The following B4GALNT3 variants were observed in gnomAD, a reference collection of about 807,000 sequenced individuals.
The protein encoded by B4GALNT3 is beta-1,4-N-acetylgalactosaminyltransferase 3.
In B4GALNT3, 86 loss-of-function variants were observed where a neutral mutation model predicts 120.2. The observed-to-expected ratio is 0.72, with a 90% CI of 0.60 to 0.86. The LOEUF (loss-of-function observed/expected upper bound fraction) is 0.86. Ranked by LOEUF, B4GALNT3 falls within the 40% of genes least tolerant of loss-of-function variation. The pLI, the probability that B4GALNT3 is intolerant of heterozygous loss-of-function variation, is 0.00. For missense variants in B4GALNT3, 1,167 were observed against 1,298.9 expected (o/e 0.90, Z 1.56); for synonymous variants, 518 against 510.4 (o/e 1.01, Z -0.20).
rs149047077 is a variant in B4GALNT3 at position 557,596 on chromosome 12, C to A, written c.2381-12C>A. 2.5e-6 allele frequency: 4 copies of A among 1,603,304 alleles called. No homozygotes were observed. In the African/African-American group the frequency reaches 5.4e-5, roughly 22 times the overall value. ...TCTGTGTTTCCTTCTCCTGCCTGAC[C>A]CCCTGGGGTAGTGAAGAACCAGGCA... On this transcript the variant is annotated splice_polypyrimidine_tract_variant and intron_variant, in intron 15 of 19. Coordinates refer to ENST00000266383, the MANE Select transcript of B4GALNT3 (RefSeq NM_173593.4).
At position 558,079 on chromosome 12, in the gene B4GALNT3, C is replaced by T. The variant is rs774552605; in HGVS notation, c.2598C>T (p.Asp866=). The T allele has an allele frequency of 6.2e-7, 1 of 1,613,834 alleles. No homozygotes were observed. The highest frequency in any genetic ancestry group is 2.2e-5 in the East Asian group (1 of 44,886). Reference sequence around the variant, plus strand: ...CAGCTGGACTTCAGGCTGGCATAGACCTCGTGAAGGTAAAGGGCCTGGATG... The same window carrying T: ...CAGCTGGACTTCAGGCTGGCATAGATCTCGTGAAGGTAAAGGGCCTGGATG... ...ERSAGLQAGI[D]LVKDPHSIIF... Residue 866 remains aspartate, a synonymous_variant, in exon 17 of 20, where the codon GAC becomes GAT. Coordinates refer to ENST00000266383, the MANE Select transcript of B4GALNT3 (RefSeq NM_173593.4).
At position 535,153 on chromosome 12, in the gene B4GALNT3, TC is replaced by T. The variant is rs1946845580; in HGVS notation, c.170-9del. ...TACGCTGACCTGAGGGCTCCTCTCTTCCCCTTCCACAGGGTACGGCAGCTGG... is the reference window on the plus strand; with the variant it reads ...TACGCTGACCTGAGGGCTCCTCTCTTCCCTTCCACAGGGTACGGCAGCTGG... On this transcript the variant is annotated splice_polypyrimidine_tract_variant and intron_variant, in intron 1 of 19. Transcript: ENST00000266383. 6.2e-7 allele frequency: 1 copy of T among 1,606,162 alleles called. No individual in the cohort carries two copies. The highest frequency in any genetic ancestry group is 1.7e-5 in the Admixed American group (1 of 59,662).
intron 1 of B4GALNT3, among the ~76,000 whole-genome samples, chr12:511,472 TCTTCCACCTTCTTCCACCTTCCAC>T (rs1565597930): frequency 1.0e-3 from 28 of 27,010 alleles, no homozygotes; most frequent in African/African-American, 7.9e-3. Flanking sequence ...CCTTCCACCT[TCTTCCACCTTCTTCCACCTTCCAC>T]CTTCCACCTT....
intron 1 of B4GALNT3, among the ~76,000 whole-genome samples, chr12:512,640 CA>C (rs1946600233): frequency 7.6e-6 from 1 of 131,920 alleles, no homozygotes; most frequent in Non-Finnish European, 1.7e-5. Flanking sequence ...TTCCGCCTTC[CA>C]CCTTCCACCT....
intron 1 of B4GALNT3, among the ~76,000 whole-genome samples, chr12:518,960 T>C (rs907414219): frequency 1.3e-5 from 2 of 152,250 alleles, no homozygotes; most frequent in African/African-American, 4.8e-5. Context: ...TCTAGCTTGT[T>C]GTCTGCCCAC....
intron 1 of B4GALNT3, among the ~76,000 whole-genome samples, chr12:498,135 C>CTAGT (rs1946405876): frequency 1.3e-5 from 2 of 152,204 alleles, no homozygotes; most frequent in South Asian, 4.1e-4. Flanking sequence ...CCTGGGCTTA[C>CTAGT]TAGTACCTTG....
At chr12:556,943 C>T (rs1947163534) in intron 15 of B4GALNT3, 77 bp downstream of exon 15, 2 of 1,430,990 alleles carry the variant, frequency 1.4e-6, no homozygotes, top group Non-Finnish European at 1.9e-6. Flanking sequence ...TCTGCTTGCA[C>T]TGATTTGATC....
At chr12:511,809 CCTTCTTCCA>C (rs1946571247) in intron 1 of B4GALNT3, among the ~76,000 whole-genome samples, 1 of 44,288 alleles carries the variant, frequency 2.3e-5, no homozygotes, top group Admixed American at 1.6e-4. Flanking sequence ...CCTTCTTCCA[CCTTCTTCCA>C]CCTTCCACCT....
In B4GALNT3 at chr12:462,372, G is replaced by A. The variant is rs1247003838; in HGVS notation, c.169+1827G>A. ...CTCACTTTTCTTTTACCTCCGGTGT[G>A]TTTTCTCCCCAAACCTGGATCTAGT... On this transcript the variant is annotated intron_variant, in intron 1 of 19. Transcript: ENST00000266383. Among the ~76,000 whole-genome samples, 9 of 148,956 alleles carry A rather than the reference G, an allele frequency of 6.0e-5. No individual in the cohort carries two copies. The Admixed American group carries it at 6.1e-4, about 10-fold the overall frequency.
At chr12:504,306 A>G (rs1339423719) in intron 1 of B4GALNT3, among the ~76,000 whole-genome samples, 2 of 132,512 alleles carry the variant, frequency 1.5e-5, no homozygotes, top group African/African-American at 3.3e-5. Context: ...CAAAAACACA[A>G]TTTTTCAAAA....
rs566172902 is a variant in B4GALNT3 at position 469,559 on chromosome 12, C to G, written c.169+9014C>G. 3.0e-4 allele frequency among the ~76,000 whole-genome samples: 45 copies of G among 152,252 alleles called. 1 individual carries two copies. In the South Asian group the frequency reaches 9.3e-3, roughly 32 times the overall value. Reference sequence around the variant, plus strand: ...CCACCAAATACACATTCTTCAATCACTTTTTTCCTCCATGATGTTCAGCAA... The same window carrying G: ...CCACCAAATACACATTCTTCAATCAGTTTTTTCCTCCATGATGTTCAGCAA... On this transcript the variant is annotated intron_variant, in intron 1 of 19. Coordinates refer to ENST00000266383, the MANE Select transcript of B4GALNT3 (RefSeq NM_173593.4).
intron 1 of B4GALNT3, among the ~76,000 whole-genome samples, chr12:530,364 G>A (rs1227668167): frequency 6.6e-6 from 1 of 152,244 alleles, no homozygotes; most frequent in Non-Finnish European, 1.5e-5. Context: ...AAAGTGCTTT[G>A]AAGGGTTTTA....
intron 1 of B4GALNT3, among the ~76,000 whole-genome samples, chr12:513,590 T>A (rs1946620834): frequency 6.6e-6 from 1 of 152,226 alleles, no homozygotes. Context: ...AGCAAGGTCT[T>A]TATGACCTGT....
intron 3 of B4GALNT3, chr12:543,040 C>T (rs1393890327): frequency 5.1e-6 from 6 of 1,176,568 alleles, no homozygotes; most frequent in East Asian, 1.2e-4. Context: ...CTCCTAGTTC[C>T]CTGTCCTCTC....
intron 14 of B4GALNT3, chr12:555,322 G>A (rs1432780211): frequency 2.2e-6 from 1 of 456,334 alleles, no homozygotes; most frequent in African/African-American, 2.0e-5. Context: ...GACATCTTAT[G>A]CAAATGGAAC....
intron 14 of B4GALNT3, chr12:555,355 T>G: frequency 2.2e-6 from 1 of 456,936 alleles, no homozygotes; most frequent in Non-Finnish European, 4.4e-6. Flanking sequence ...GGCCTTTATA[T>G]CGGGCTTTTT....
chr12:511,458 TCCAC>T (rs1276060769), intron 1 of B4GALNT3, among the ~76,000 whole-genome samples: 2 of 80,720 alleles, frequency 2.5e-5, no homozygotes, highest in South Asian at 5.8e-4. Flanking sequence ...TCCACCTTCT[TCCAC>T]CTTCCACCTT....
At chr12:479,776 A>G (rs991399436) in intron 1 of B4GALNT3, among the ~76,000 whole-genome samples, 6 of 151,622 alleles carry the variant, frequency 4.0e-5, no homozygotes, top group South Asian at 2.1e-4. Context: ...ACCGTGTCCA[A>G]CTGAGGCCTT....
At chr12:505,311 G>A (rs1454111262) in intron 1 of B4GALNT3, among the ~76,000 whole-genome samples, 1 of 152,202 alleles carries the variant, frequency 6.6e-6, no homozygotes, top group Non-Finnish European at 1.5e-5. Flanking sequence ...ACTAACAGCT[G>A]GTGAAAGAGC....
Sources: allele counts gnomAD v4.1 joint callset (sites outside exome capture counted in the v4.1 genomes callset), GRCh38; gene constraint gnomAD v4.1.1; transcripts MANE v1.5; gene names NCBI Gene and HGNC (gene_info 2026-07-23, HGNC 2026-07-21).